Variants in IL18 observed in about 807,000 individuals in gnomAD.
IL18 encodes the protein interleukin-18.
In IL18, 8 loss-of-function variants were observed where a neutral mutation model predicts 14.2. That is an observed-to-expected ratio of 0.56 (90% CI 0.33 to 1.01). IL18 has a LOEUF of 1.01. IL18 is among the 50% of genes least tolerant of loss of function. The probability of loss-of-function intolerance (pLI) is 0.03; values close to 1 mark genes in which losing one functional copy is unlikely to be tolerated. For missense variants in IL18, 166 were observed against 231.1 expected (o/e 0.72, Z 1.83); for synonymous variants, 67 against 71.0 (o/e 0.94, Z 0.28).
chr11:112,151,268 T>A (rs1437395855), intron 3 of IL18, among the ~76,000 whole-genome samples: 2 of 152,164 alleles, frequency 1.3e-5, no homozygotes, highest in Non-Finnish European at 2.9e-5. Flanking sequence ...CATGGAGAGA[T>A]GTCCATATAT....
At chr11:112,158,521 GT>G (rs71060226) in intron 1 of IL18, among the ~76,000 whole-genome samples, 16 of 104,980 alleles carry the variant, frequency 1.5e-4, no homozygotes, top group South Asian at 3.4e-4. Flanking sequence ...TTTATTTGGA[GT>G]TTTTTTTTTT....
In IL18 at chr11:112,150,220, T is replaced by C; in HGVS notation, c.92-14A>G. On this transcript the variant is annotated splice_polypyrimidine_tract_variant and intron_variant, in intron 3 of 5. Coordinates refer to ENST00000280357, the MANE Select transcript of IL18 (RefSeq NM_001562.4). ...ATTCCAGGTTTTCTACAATAAACAT[T>C]AAATCTCATTTAAAAATACATAGTT... The C allele has an allele frequency of 4.7e-6, 7 of 1,483,072 alleles. No homozygotes were observed. The highest frequency in any genetic ancestry group is 6.5e-6 in the Non-Finnish European group (7 of 1,070,608). The allele number at this position is 1,483,072 out of a possible 1,614,324, so 91.9% of individuals were successfully genotyped here.
intron 1 of IL18, among the ~76,000 whole-genome samples, chr11:112,157,991 G>A (rs1866562736): frequency 6.6e-6 from 1 of 152,138 alleles, no homozygotes; most frequent in South Asian, 2.1e-4. Flanking sequence ...TGAGTAGCTG[G>A]GATTACAGTC....
At chr11:112,146,036 T>C (rs1427229550) in intron 5 of IL18, among the ~76,000 whole-genome samples, 1 of 139,530 alleles carries the variant, frequency 7.2e-6, no homozygotes, top group Admixed American at 7.1e-5. Context: ...TTTCTTTCTT[T>C]TTTTTTTTTT....
At position 112,143,825 on chromosome 11, in the gene IL18, GA is replaced by G; in HGVS notation, c.361-9del. The G allele has an allele frequency of 1.3e-6, 2 of 1,498,084 alleles. No homozygotes were observed. Among genetic ancestry groups the G allele is most frequent in the Non-Finnish European group, 1.8e-6 (2 of 1,090,464 alleles). 92.8% of individuals were successfully genotyped at this position (1,498,084 alleles called of 1,614,324 possible). A position where few individuals can be genotyped will look rare whatever the true frequency, so the allele number is the denominator to read the frequency against. On this transcript the variant is annotated splice_polypyrimidine_tract_variant and intron_variant, in intron 5 of 5. Transcript: ENST00000280357. ...ATCAGGAGGATTCATTTCCTATAGA[GA>G]AAAAAACATTACCTAATTATTTCAG...
chr11:112,146,568 C>A (rs1446324550), intron 5 of IL18, among the ~76,000 whole-genome samples: 1 of 152,200 alleles, frequency 6.6e-6, no homozygotes, highest in African/African-American at 2.4e-5. Flanking sequence ...AAGTGAGACA[C>A]TCGCCTTGCC....
At position 112,155,262 on chromosome 11, in the gene IL18, TAGAA is replaced by T. The variant is rs529200401; in HGVS notation, c.-8-205_-8-202del. On this transcript the variant is annotated intron_variant, in intron 1 of 5. Coordinates refer to ENST00000280357, the MANE Select transcript of IL18 (RefSeq NM_001562.4). ...TACAAATCATCAGATATTTGGAAGA[TAGAA>T]AGCATTTTCTCATTAAACAATATTA... Among the ~76,000 whole-genome samples the T allele has an allele frequency of 3.1e-4, 47 of 152,204 alleles. 1 individual carries two copies. The highest frequency in any genetic ancestry group is 5.9e-4 in the Non-Finnish European group (40 of 68,018).
At position 112,143,438 on chromosome 11, in the gene IL18, A is replaced by T; in HGVS notation, c.*158T>A. 1 of 558,630 alleles carries T rather than the reference A, an allele frequency of 1.8e-6. No homozygotes were observed. Among genetic ancestry groups the T allele is most frequent in the South Asian group, 2.1e-5 (1 of 48,014 alleles). 34.6% of individuals were successfully genotyped at this position (558,630 alleles called of 1,614,324 possible). A position where few individuals can be genotyped will look rare whatever the true frequency, so the allele number is the denominator to read the frequency against. On this transcript the variant is annotated 3_prime_UTR_variant, in exon 6 of 6. Coordinates refer to ENST00000280357, the MANE Select transcript of IL18 (RefSeq NM_001562.4). ...TGGGATTGAGGGCATGCGTCACTAC[A>T]CTCAGCTAATTTTTTGTATTTTTAG... is the stretch of plus-strand genomic sequence containing the variant.
intron 5 of IL18, among the ~76,000 whole-genome samples, chr11:112,147,693 G>C (rs1011600688): frequency 2.6e-5 from 4 of 152,216 alleles, no homozygotes; most frequent in Non-Finnish European, 5.9e-5. Flanking sequence ...TTATATTTTA[G>C]AGTGGCTTTT....
intron 1 of IL18, among the ~76,000 whole-genome samples, chr11:112,160,825 A>G (rs1244094860): frequency 2.0e-5 from 3 of 152,080 alleles, no homozygotes; most frequent in Non-Finnish European, 2.9e-5. Context: ...TTTCCCTAGT[A>G]GTTTCTTTTT....
At chr11:112,160,618 G>A (rs1237924249) in intron 1 of IL18, among the ~76,000 whole-genome samples, 1 of 152,110 alleles carries the variant, frequency 6.6e-6, no homozygotes, top group African/African-American at 2.4e-5. Flanking sequence ...CTCAATAAAT[G>A]TTGTATGAAT....
intron 1 of IL18, among the ~76,000 whole-genome samples, chr11:112,160,981 G>T (rs1866621615): frequency 6.6e-6 from 1 of 151,426 alleles, no homozygotes; most frequent in Non-Finnish European, 1.5e-5. Flanking sequence ...TTTCTCATCC[G>T]TGTTTCTTTG....
chr11:112,161,445 G>A (rs1024310144), intron 1 of IL18, among the ~76,000 whole-genome samples: 1 of 152,188 alleles, frequency 6.6e-6, no homozygotes, highest in African/African-American at 2.4e-5. Flanking sequence ...TTCTAAGACA[G>A]TAAATATTTA....
intron 2 of IL18, among the ~76,000 whole-genome samples, 200 bp from the exon 3 acceptor site, chr11:112,153,803 T>C (rs1866487631): frequency 2.0e-5 from 3 of 152,202 alleles, no homozygotes; most frequent in Admixed American, 1.3e-4. Context: ...TCAGACTTAG[T>C]GTGTTCTCAG....
At chr11:112,150,352 T>C (rs574562540) in intron 3 of IL18, 146 bp from the exon 4 acceptor site, 3 of 595,122 alleles carry the variant, frequency 5.0e-6, no homozygotes, top group African/African-American at 3.7e-5. Context: ...CTATTGTTTT[T>C]TAACCTACTC....
At chr11:112,151,861 T>G (rs1866444634) in intron 3 of IL18, among the ~76,000 whole-genome samples, 1 of 152,204 alleles carries the variant, frequency 6.6e-6, no homozygotes, top group Non-Finnish European at 1.5e-5. Flanking sequence ...TTTTGGTTAG[T>G]CTGCTCTCTG....
chr11:112,163,553 T>G (rs1003694621), intron 1 of IL18, among the ~76,000 whole-genome samples: 7 of 152,106 alleles, frequency 4.6e-5, no homozygotes, highest in Admixed American at 4.6e-4. Context: ...ATTAAACCAG[T>G]TAAAACACTT....
At chr11:112,155,640 G>C (rs1354530468) in intron 1 of IL18, among the ~76,000 whole-genome samples, 2 of 152,074 alleles carry the variant, frequency 1.3e-5, no homozygotes, top group South Asian at 4.1e-4. Context: ...CTGGAGTCTC[G>C]ATTATACTAT....
In IL18 at chr11:112,155,039, T is replaced by C; in HGVS notation, c.15A>G (p.Pro5=). 1 of 1,612,282 alleles carries C rather than the reference T, an allele frequency of 6.2e-7. No homozygotes were observed. The highest frequency in any genetic ancestry group is 8.5e-7 in the Non-Finnish European group (1 of 1,178,418). The change falls in exon 2 of 6, where the codon CCA becomes CCG. Residue 5 remains proline, a synonymous_variant. Coordinates refer to ENST00000280357, the MANE Select transcript of IL18 (RefSeq NM_001562.4). MAAE[P]VEDNCINFVA... Reference sequence around the variant, plus strand: ...CAAAGTTGATGCAATTGTCTTCTACTGGTTCAGCAGCCATCTTTATTCCTA... The same window carrying C: ...CAAAGTTGATGCAATTGTCTTCTACCGGTTCAGCAGCCATCTTTATTCCTA...
Sources: allele counts gnomAD v4.1 joint callset (sites outside exome capture counted in the v4.1 genomes callset), GRCh38; gene constraint gnomAD v4.1.1; transcripts MANE v1.5; gene names NCBI Gene and HGNC (gene_info 2026-07-23, HGNC 2026-07-21).